The following NLK variants were observed in gnomAD, a reference collection of about 807,000 sequenced individuals.
NLK encodes serine/threonine-protein kinase NLK.
In NLK, 11 loss-of-function variants were observed where a neutral mutation model predicts 59.0. That is an observed-to-expected ratio of 0.19 (90% CI 0.12 to 0.31). NLK has a LOEUF of 0.31. Among genes scored for constraint, NLK ranks in the 10% least tolerant of loss-of-function variants. The pLI, the probability that NLK is intolerant of heterozygous loss-of-function variation, is 1.00. For missense variants in NLK, 410 were observed against 661.1 expected, an observed-to-expected ratio of 0.62 and a Z score of 4.16; for synonymous variants, 235 against 235.9, an observed-to-expected ratio of 1.00 and a Z score of 0.03.
chr17:28,189,007 A>G (rs971912200), intron 8 of NLK, among the ~76,000 whole-genome samples: 2 of 151,704 alleles, frequency 1.3e-5, no homozygotes, highest in Non-Finnish European at 2.9e-5. Flanking sequence ...ACACACACAC[A>G]CACACGCTGA....
chr17:28,063,649 A>G (rs1240971612), intron 1 of NLK, among the ~76,000 whole-genome samples: 1 of 152,222 alleles, frequency 6.6e-6, no homozygotes, highest in Non-Finnish European at 1.5e-5. Flanking sequence ...TCAAACTTGT[A>G]GAAGTTTTAT....
At chr17:28,120,252 GTGT>G in intron 1 of NLK, among the ~76,000 whole-genome samples, 1 of 143,016 alleles carries the variant, frequency 7.0e-6, no homozygotes, top group Non-Finnish European at 1.5e-5. Context: ...GTGTGTGTGT[GTGT>G]GTGTGTGTGT....
intron 3 of NLK, among the ~76,000 whole-genome samples, chr17:28,150,939 G>A (rs953376167): frequency 6.6e-6 from 1 of 152,076 alleles, no homozygotes; most frequent in African/African-American, 2.4e-5. Context: ...TAACTTAAAG[G>A]GCCATAGCAA....
At chr17:28,197,998 G>C (rs1318144187), downstream of NLK, among the ~76,000 whole-genome samples, 1 of 152,128 alleles carries the variant, frequency 6.6e-6, no homozygotes, top group African/African-American at 2.4e-5. Flanking sequence ...TGAACACATG[G>C]GGGAAACTAA....
At chr17:28,127,916 G>A (rs2142825436) in intron 2 of NLK, among the ~76,000 whole-genome samples, 1 of 152,220 alleles carries the variant, frequency 6.6e-6, no homozygotes, top group Non-Finnish European at 1.5e-5. Context: ...AACAAGGATA[G>A]ACAGATAGAT....
At chr17:28,177,173 A>C (rs1908716203) in intron 7 of NLK, among the ~76,000 whole-genome samples, 1 of 152,108 alleles carries the variant, frequency 6.6e-6, no homozygotes, top group South Asian at 2.1e-4. Context: ...AAAGTGGTGG[A>C]GGAGGTGGAA....
At chr17:28,144,522 A>G (rs916020733) in intron 3 of NLK, among the ~76,000 whole-genome samples, 1 of 152,046 alleles carries the variant, frequency 6.6e-6, no homozygotes, top group African/African-American at 2.4e-5. Context: ...CAACTGTTAG[A>G]GGGTAATATT....
intron 3 of NLK, among the ~76,000 whole-genome samples, chr17:28,143,006 A>C (rs891094613): frequency 6.6e-6 from 1 of 151,476 alleles, no homozygotes; most frequent in African/African-American, 2.4e-5. Flanking sequence ...CACCTGACTC[A>C]TATTTGTTCC....
intron 1 of NLK, among the ~76,000 whole-genome samples, chr17:28,111,896 G>GTGTGTGTGTGGT (rs1394476582): frequency 5.0e-4 from 34 of 67,540 alleles, no homozygotes; most frequent in Admixed American, 7.6e-4. Context: ...GTGTGTGTGT[G>GTGTGTGTGTGGT]GTGTGTGTGT....
chr17:28,081,496 T>C (rs1910346058), intron 1 of NLK, among the ~76,000 whole-genome samples: 1 of 152,024 alleles, frequency 6.6e-6, no homozygotes, highest in Non-Finnish European at 1.5e-5. Context: ...ATATTAGAAA[T>C]GACAGTGTGT....
At chr17:28,048,688 T>G (rs1909145308) in intron 1 of NLK, 1 of 152,242 alleles carries the variant, frequency 6.6e-6, no homozygotes, top group Non-Finnish European at 1.5e-5. Context: ...TTCATTGTCT[T>G]CACAACTTGG....
the NLK span, among the ~76,000 whole-genome samples, chr17:28,202,108 C>A: frequency 1.3e-5 from 2 of 152,116 alleles, no homozygotes; most frequent in Admixed American, 6.6e-5. Context: ...AAAAATAATA[C>A]TCTTAGGCCC....
intron 4 of NLK, 28 bp downstream of exon 4, chr17:28,161,294 G>A (rs147469000): frequency 7.7e-5 from 91 of 1,174,868 alleles, no homozygotes; most frequent in Admixed American, 1.2e-4. Flanking sequence ...AGAAAAAGGT[G>A]CTGTCACACT....
At chr17:28,076,401 C>T (rs1417176626) in intron 1 of NLK, among the ~76,000 whole-genome samples, 1 of 152,054 alleles carries the variant, frequency 6.6e-6, no homozygotes, top group African/African-American at 2.4e-5. Context: ...TCTTTGGGGC[C>T]TCTTTTATAA....
intron 3 of NLK, among the ~76,000 whole-genome samples, chr17:28,159,519 T>C (rs1446380932): frequency 1.3e-5 from 2 of 152,202 alleles, no homozygotes; most frequent in East Asian, 3.8e-4. Flanking sequence ...ACTATAACCC[T>C]GATGTCATTA....
At chr17:28,188,146 C>A (rs1452484453) in intron 8 of NLK, among the ~76,000 whole-genome samples, 3 of 152,142 alleles carry the variant, frequency 2.0e-5, no homozygotes, top group African/African-American at 7.2e-5. Flanking sequence ...AAGGCCAAGG[C>A]CACAGTGAGC....
chr17:28,104,176 T>TA (rs1904995499), intron 1 of NLK, among the ~76,000 whole-genome samples: 2 of 152,206 alleles, frequency 1.3e-5, no homozygotes, highest in Non-Finnish European at 2.9e-5. Flanking sequence ...TGTAATCCAG[T>TA]AAAAATTGCT....
downstream of NLK, among the ~76,000 whole-genome samples, chr17:28,198,184 T>C (rs1291421673): frequency 6.6e-6 from 1 of 152,178 alleles, no homozygotes; most frequent in African/African-American, 2.4e-5. Context: ...TCACCCAGAC[T>C]GGAGTGCAGT....
chr17:28,067,399 C>T (rs1909864818), intron 1 of NLK, among the ~76,000 whole-genome samples: 1 of 151,914 alleles, frequency 6.6e-6, no homozygotes, highest in African/African-American at 2.4e-5. Flanking sequence ...AGTCAGCATT[C>T]TAATGCACTT....
Sources: gnomAD v4.1 joint callset for allele counts (sites outside exome capture counted in the v4.1 genomes callset) on GRCh38, gnomAD v4.1.1 for gene constraint, MANE v1.5 for transcripts, NCBI Gene and HGNC (gene_info 2026-07-23, HGNC 2026-07-21) for gene names.